KCNT2: variants seen among roughly 807,000 people sequenced by gnomAD.
KCNT2 encodes potassium channel subfamily T member 2.
A neutral mutation model predicts 153.8 loss-of-function variants in KCNT2; 67 were observed. The observed-to-expected ratio is 0.44, with a 90% CI of 0.36 to 0.53. KCNT2 has a LOEUF of 0.53. Ranked by LOEUF, KCNT2 falls within the 20% of genes least tolerant of loss-of-function variation. The pLI is 0.00. For synonymous variants in KCNT2, 500 were observed against 458.8 expected, an observed-to-expected ratio of 1.09 and a Z score of -1.15; for missense variants, 975 against 1,354.8, an observed-to-expected ratio of 0.72 and a Z score of 4.40.
At chr1:196,529,013 T>C (rs1002872443) in intron 1 of KCNT2, among the ~76,000 whole-genome samples, 1 of 152,172 alleles carries the variant, frequency 6.6e-6, no homozygotes, top group African/African-American at 2.4e-5. Context: ...AAAATGTTGA[T>C]TGTAACATAT....
chr1:196,542,422 G>C (rs1198690019), intron 1 of KCNT2, among the ~76,000 whole-genome samples: 1 of 152,098 alleles, frequency 6.6e-6, no homozygotes, highest in Non-Finnish European at 1.5e-5. Context: ...TTTTTACAGA[G>C]CTCTGAATTT....
chr1:196,402,789 A>G (rs1671527363), intron 12 of KCNT2, among the ~76,000 whole-genome samples: 1 of 151,666 alleles, frequency 6.6e-6, no homozygotes, highest in Non-Finnish European at 1.5e-5. Context: ...ATCTGACCAA[A>G]GAACGTATAC....
chr1:196,599,515 G>A (rs1664472578), intron 1 of KCNT2, among the ~76,000 whole-genome samples: 2 of 152,268 alleles, frequency 1.3e-5, no homozygotes, highest in South Asian at 2.1e-4. Flanking sequence ...ATACAACTCT[G>A]AATTCAAGGA....
chr1:196,255,488 C>T (rs1656403096), intron 26 of KCNT2, among the ~76,000 whole-genome samples: 1 of 151,752 alleles, frequency 6.6e-6, no homozygotes, highest in South Asian at 2.1e-4. Flanking sequence ...TCATATTTCA[C>T]CTCCCAATCC....
At chr1:196,536,488 T>C (rs1284535553) in intron 1 of KCNT2, among the ~76,000 whole-genome samples, 1 of 152,214 alleles carries the variant, frequency 6.6e-6, no homozygotes, top group Non-Finnish European at 1.5e-5. Context: ...ACTGCAACAG[T>C]GGTCCAGACA....
chr1:196,583,029 G>C (rs1662252833), intron 1 of KCNT2, among the ~76,000 whole-genome samples: 1 of 152,090 alleles, frequency 6.6e-6, no homozygotes, highest in African/African-American at 2.4e-5. Context: ...CATGTGACAT[G>C]TAGAGGTGGA....
rs533306012 is a variant in KCNT2, at chr1:196,586,992, T to G, written c.95+21223A>C. Among the ~76,000 whole-genome samples, 152 of 152,232 alleles carry G rather than the reference T, an allele frequency of 1.0e-3. 1 individual carries two copies. Among genetic ancestry groups the G allele is most frequent in the Non-Finnish European group, 1.8e-3 (125 of 67,966 alleles). Reference sequence around the variant, plus strand: ...ATATCATTCAAATGGACTGAGTTTATGAAACATGAAGAGCAATAAACTTCT... The same window carrying G: ...ATATCATTCAAATGGACTGAGTTTAGGAAACATGAAGAGCAATAAACTTCT... On this transcript the variant is annotated intron_variant, in intron 1 of 27. Coordinates refer to ENST00000294725, the MANE Select transcript of KCNT2 (RefSeq NM_198503.5).
chr1:196,342,068 C>T lies in KCNT2; in HGVS notation c.1553+11G>A, dbSNP rs753482024. On this transcript the variant is annotated intron_variant, in intron 15 of 27. Transcript: ENST00000294725. Reference sequence around the variant, plus strand: ...TTGATATTTTAATTTTTCTCTGAGGCAGAAACATACTTTTTGTGTGCATGG... The same window carrying T: ...TTGATATTTTAATTTTTCTCTGAGGTAGAAACATACTTTTTGTGTGCATGG... The T allele has an allele frequency of 1.3e-6, 2 of 1,592,384 alleles. No individual in the cohort carries two copies. The highest frequency in any genetic ancestry group is 2.3e-5 in the South Asian group (2 of 86,956).
intron 1 of KCNT2, among the ~76,000 whole-genome samples, chr1:196,587,340 AATTGCCCAAGACC>A (rs1338132922): frequency 4.6e-5 from 7 of 152,050 alleles, no homozygotes; most frequent in African/African-American, 1.7e-4. Flanking sequence ...GAGATTACAT[AATTGCCCAAGACC>A]ATACAGTTAC....
chr1:196,460,738 G>C (rs1024622168), intron 8 of KCNT2, among the ~76,000 whole-genome samples: 31 of 151,502 alleles, frequency 2.0e-4, no homozygotes, highest in Admixed American at 7.3e-4. Context: ...GGAGAAAGTG[G>C]GGAAGTAGAA....
At chr1:196,549,943 C>A (rs1246136809) in intron 1 of KCNT2, among the ~76,000 whole-genome samples, 9 of 151,732 alleles carry the variant, frequency 5.9e-5, no homozygotes, top group Non-Finnish European at 1.3e-4. Flanking sequence ...GAAACAGAGG[C>A]CTGAGTAGCA....
At chr1:196,398,362 A>G (rs1282167585) in intron 13 of KCNT2, among the ~76,000 whole-genome samples, 3 of 151,578 alleles carry the variant, frequency 2.0e-5, no homozygotes, top group African/African-American at 7.3e-5. Flanking sequence ...TAAAAAAATT[A>G]AGACTCAAGC....
intron 14 of KCNT2, among the ~76,000 whole-genome samples, chr1:196,343,994 G>A (rs1286015773): frequency 1.5e-4 from 23 of 152,128 alleles, no homozygotes; most frequent in Non-Finnish European, 1.5e-5. Context: ...TGGACAGACT[G>A]GTCTTGAACT....
At chr1:196,522,160 G>C (rs1653521082) in intron 1 of KCNT2, among the ~76,000 whole-genome samples, 1 of 152,052 alleles carries the variant, frequency 6.6e-6, no homozygotes. Flanking sequence ...TTCCAAACCT[G>C]CTTTCATTTT....
At chr1:196,604,963 T>C (rs1260758969) in intron 1 of KCNT2, among the ~76,000 whole-genome samples, 1 of 152,170 alleles carries the variant, frequency 6.6e-6, no homozygotes, top group East Asian at 1.9e-4. Flanking sequence ...AGAAAATCTA[T>C]GGTATGGAAT....
At chr1:196,238,605 T>TG (rs1654663048) in intron 26 of KCNT2, among the ~76,000 whole-genome samples, 1 of 151,956 alleles carries the variant, frequency 6.6e-6, no homozygotes, top group Admixed American at 6.6e-5. Flanking sequence ...CTTTCACGTG[T>TG]GCCTTCCTAT....
rs967092468 is a variant in KCNT2 at position 196,438,867 on chromosome 1, T to G, written c.639-9110A>C. Among the ~76,000 whole-genome samples, 8 of 151,958 alleles carry G rather than the reference T, an allele frequency of 5.3e-5. No individual in the cohort carries two copies. The East Asian group carries it at 9.7e-4, about 18-fold the overall frequency. On this transcript the variant is annotated intron_variant, in intron 8 of 27. Transcript: ENST00000294725. Reference sequence around the variant, plus strand: ...GACCTAAATTTTAAAATAGTAATATTTTGAAAAAAAATCCAATAGAATTTT... The same window carrying G: ...GACCTAAATTTTAAAATAGTAATATGTTGAAAAAAAATCCAATAGAATTTT...
chr1:196,469,237 G>A (rs1359104265), intron 5 of KCNT2, among the ~76,000 whole-genome samples, 169 bp from the exon 6 acceptor site: 1 of 152,018 alleles, frequency 6.6e-6, no homozygotes, highest in Non-Finnish European at 1.5e-5. Flanking sequence ...TTTTCTTAGG[G>A]TAATTGTGCT....
intron 22 of KCNT2, among the ~76,000 whole-genome samples, chr1:196,293,859 C>CAAAAAAA (rs571759690): frequency 4.3e-5 from 5 of 115,212 alleles, no homozygotes; most frequent in East Asian, 2.9e-4. Flanking sequence ...TCTGCACAGT[C>CAAAAAAA]AAAAAAAAAA....
Sources: allele counts gnomAD v4.1 joint callset (sites outside exome capture counted in the v4.1 genomes callset), GRCh38; gene constraint gnomAD v4.1.1; transcripts MANE v1.5; gene names NCBI Gene and HGNC (gene_info 2026-07-23, HGNC 2026-07-21).